The following DNAH9 variants were observed in gnomAD, a reference collection of about 807,000 sequenced individuals.
DNAH9 encodes the protein DNAH9 variant protein.
Under a neutral mutation model 471.6 loss-of-function variants are expected in DNAH9, and 345 were observed. The ratio of observed to expected loss-of-function variants is 0.73; its 90% CI spans 0.67 to 0.80. The LOEUF is 0.80. Ranked by LOEUF, DNAH9 falls within the 30% of genes least tolerant of loss-of-function variation. The pLI is 0.00. For synonymous variants in DNAH9, 2,093 were observed against 2,123.6 expected (o/e 0.99, Z 0.40); for missense variants, 5,407 against 5,609.2 (o/e 0.96, Z 1.15).
At chr17:11,826,362 G>GGT (rs982697117) in intron 48 of DNAH9, among the ~76,000 whole-genome samples, 1 of 150,276 alleles carries the variant, frequency 6.7e-6, no homozygotes, top group Non-Finnish European at 1.5e-5. Context: ...GGAAGCTGGG[G>GGT]GGGTAATTTT....
intron 41 of DNAH9, among the ~76,000 whole-genome samples, chr17:11,785,324 C>T (rs1342823275): frequency 6.6e-6 from 1 of 151,982 alleles, no homozygotes; most frequent in African/African-American, 2.4e-5. Flanking sequence ...GGGAATGATG[C>T]CTTTCACACC....
At chr17:11,897,435 CA>C (rs1285612394) in intron 59 of DNAH9, among the ~76,000 whole-genome samples, 1 of 152,240 alleles carries the variant, frequency 6.6e-6, no homozygotes, top group Non-Finnish European at 1.5e-5. Flanking sequence ...TTCAGTCTCT[CA>C]GTCCCACCAA....
At chr17:11,692,271 G>C (rs1423847120) in intron 20 of DNAH9, among the ~76,000 whole-genome samples, 1 of 152,134 alleles carries the variant, frequency 6.6e-6, no homozygotes, top group Non-Finnish European at 1.5e-5. Context: ...ACTAATACTA[G>C]TATCTATTCC....
intron 46 of DNAH9, 129 bp downstream of exon 46, chr17:11,822,191 C>T (rs951786129): frequency 2.6e-6 from 3 of 1,160,090 alleles, no homozygotes; most frequent in Admixed American, 2.6e-5. Context: ...GCACCCTTCT[C>T]AGCCTGAGCA....
intron 66 of DNAH9, among the ~76,000 whole-genome samples, chr17:11,938,675 T>C (rs959908933): frequency 6.6e-6 from 1 of 152,122 alleles, no homozygotes; most frequent in African/African-American, 2.4e-5. Flanking sequence ...CACAGCTCAC[T>C]ACAGCCTGCA....
intron 17 of DNAH9, among the ~76,000 whole-genome samples, chr17:11,674,910 G>GTT (rs2074026868): frequency 6.6e-6 from 1 of 151,974 alleles, no homozygotes; most frequent in African/African-American, 2.4e-5. Flanking sequence ...TATCTGGCAG[G>GTT]GCAGGTCTCC....
intron 41 of DNAH9, among the ~76,000 whole-genome samples, chr17:11,792,237 G>T (rs975177304): frequency 6.6e-6 from 1 of 152,192 alleles, no homozygotes; most frequent in Non-Finnish European, 1.5e-5. Context: ...TCACACCGTT[G>T]CACTCCAGCC....
intron 28 of DNAH9, among the ~76,000 whole-genome samples, chr17:11,729,877 A>G (rs1353646534): frequency 1.3e-5 from 2 of 152,212 alleles, no homozygotes; most frequent in Non-Finnish European, 2.9e-5. Context: ...GCAAAGCTGA[A>G]CAGCAGTAGG....
intron 28 of DNAH9, among the ~76,000 whole-genome samples, chr17:11,731,645 C>T (rs867685030): frequency 4.1e-5 from 6 of 147,860 alleles, no homozygotes; most frequent in Non-Finnish European, 7.4e-5. Flanking sequence ...TGAGAACATG[C>T]GGTGTTTGGT....
chr17:11,902,890 G>A lies in DNAH9; in HGVS notation c.11578G>A (p.Asp3860Asn), dbSNP rs747022867. The change falls in exon 60 of 69, where the codon GAC becomes AAC. Residue 3860 changes from aspartate (D) to asparagine (N), a missense_variant. Coordinates refer to ENST00000262442, the MANE Select transcript of DNAH9 (RefSeq NM_001372.4). ...RLCMLRAMRPDRMTYALRDFV... is the reference protein window; with the variant it reads ...RLCMLRAMRPNRMTYALRDFV... ...CTGCATGCTGAGAGCCATGCGGCCC[G>A]ACCGGATGACCTATGCTTTGCGGTA... The A allele has an allele frequency of 8.1e-6, 13 of 1,613,380 alleles. No individual in the cohort carries two copies. Among genetic ancestry groups the A allele is most frequent in the East Asian group, 2.2e-5 (1 of 44,892 alleles).
chr17:11,652,719 C>T, intron 13 of DNAH9, 42 bp from the exon 14 acceptor site: 2 of 1,600,488 alleles, frequency 1.2e-6, no homozygotes, highest in Non-Finnish European at 1.7e-6. Context: ...AGCTATGCCA[C>T]TGCAGGCTAT....
In DNAH9 at chr17:11,752,999, A is replaced by G. The variant is rs368241668; in HGVS notation, c.6738+39A>G. On this transcript the variant is annotated intron_variant, in intron 33 of 68. Transcript: ENST00000262442. The stretch of plus-strand genomic sequence containing the variant: ...GGATATCCCTAGATCATTTCTAATC[A>G]CCTGTGAAACCAGTCACCCAGTGTG... The G allele has an allele frequency of 9.0e-5, 134 of 1,485,456 alleles. No homozygotes were observed. The Middle Eastern group carries it at 1.8e-3, about 20-fold the overall frequency. 92.0% of individuals were successfully genotyped at this position (1,485,456 alleles called of 1,614,324 possible).
intron 67 of DNAH9, among the ~76,000 whole-genome samples, chr17:11,957,680 C>A (rs1053104613): frequency 6.6e-5 from 10 of 152,030 alleles, no homozygotes; most frequent in African/African-American, 2.4e-4. Flanking sequence ...AAAGAGACAG[C>A]CTAGCGAGAC....
intron 38 of DNAH9, among the ~76,000 whole-genome samples, chr17:11,779,279 A>G (rs1968582683): frequency 6.6e-6 from 1 of 152,060 alleles, no homozygotes; most frequent in Non-Finnish European, 1.5e-5. Flanking sequence ...ATTTCTTTAC[A>G]TGTCTCATTC....
intron 63 of DNAH9, among the ~76,000 whole-genome samples, chr17:11,930,370 G>A (rs868520221): frequency 1.4e-4 from 22 of 152,262 alleles, no homozygotes; most frequent in African/African-American, 5.1e-4. Context: ...ATTCCAAGAT[G>A]AAGAAGGGCA....
At position 11,869,114 on chromosome 17, in the gene DNAH9, T is replaced by C; in HGVS notation, c.9934-20T>C. The stretch of plus-strand genomic sequence containing the variant: ...CATGGGCCGAAATGACTGATGGTCC[T>C]TGTATTCCTTCCTAAACAGCACCTT... On this transcript the variant is annotated intron_variant, in intron 50 of 68. Transcript: ENST00000262442. 3 of 1,611,812 alleles carry C rather than the reference T, an allele frequency of 1.9e-6. No homozygotes were observed. Among genetic ancestry groups the C allele is most frequent in the Non-Finnish European group, 2.5e-6 (3 of 1,178,902 alleles).
intron 15 of DNAH9, 60 bp from the exon 16 acceptor site, chr17:11,669,004 C>T (rs1438700956): frequency 8.2e-7 from 1 of 1,220,668 alleles, no homozygotes; most frequent in African/African-American, 1.5e-5. Context: ...TAAAACAGTC[C>T]TCTACTTTGT....
At chr17:11,924,350 C>T (rs740361) in intron 62 of DNAH9, among the ~76,000 whole-genome samples, 27,639 of 151,916 alleles carry the variant, frequency 0.18, 2,591 homozygotes, top group East Asian at 0.27. Flanking sequence ...ATATGCTCTT[C>T]GTCACGGGCA....
intron 43 of DNAH9, among the ~76,000 whole-genome samples, chr17:11,799,714 G>T (rs986702862): frequency 6.6e-6 from 1 of 152,164 alleles, no homozygotes; most frequent in Non-Finnish European, 1.5e-5. Context: ...CTCTGAAGTA[G>T]CTGGGATTAC....
Sources: gnomAD v4.1 joint callset for allele counts (sites outside exome capture counted in the v4.1 genomes callset) on GRCh38, gnomAD v4.1.1 for gene constraint, MANE v1.5 for transcripts, NCBI Gene and HGNC (gene_info 2026-07-23, HGNC 2026-07-21) for gene names.